Variants in RBFOX1 observed in about 807,000 individuals in gnomAD.
The protein encoded by RBFOX1 is RNA binding fox-1 homolog 1.
RBFOX1 carries 8 observed loss-of-function variants against 57.7 expected under a neutral mutation model. The ratio of observed to expected loss-of-function variants is 0.14; its 90% CI spans 0.08 to 0.25. The LOEUF is 0.25. RBFOX1 is among the 10% of genes least tolerant of loss of function. RBFOX1 has a pLI of 1.00. For missense variants in RBFOX1, 611 were observed against 548.5 expected, an observed-to-expected ratio of 1.11 and a Z score of -1.14; for synonymous variants, 326 against 222.4, an observed-to-expected ratio of 1.47 and a Z score of -4.15.
intron 4 of RBFOX1, among the ~76,000 whole-genome samples, chr16:7,123,340 G>C (rs1016912675): frequency 7.9e-5 from 12 of 152,146 alleles, no homozygotes; most frequent in African/African-American, 2.9e-4. Flanking sequence ...AAATGAAAAA[G>C]TGTAGAATTA....
intron 3 of RBFOX1, among the ~76,000 whole-genome samples, chr16:6,682,104 A>G (rs2058736856): frequency 6.6e-6 from 1 of 152,164 alleles, no homozygotes. Context: ...ATTCTTTTAA[A>G]GTTCTTCCTG....
At position 7,155,257 on chromosome 16, in the gene RBFOX1, C is replaced by G. The variant is rs1302982342; in HGVS notation, c.27+103159C>G. ...GAGAGAGTGAACTTCATATCATCAC[C>G]TTTAGAGTTCCAGAATAGCAAGTCT... On this transcript the variant is annotated intron_variant, in intron 4 of 15. Transcript: ENST00000550418. 2.0e-5 allele frequency among the ~76,000 whole-genome samples: 3 copies of G among 151,916 alleles called. No homozygotes were observed. The East Asian group carries it at 5.8e-4, about 29-fold the overall frequency.
chr16:7,155,927 A>T (rs569422186), intron 4 of RBFOX1, among the ~76,000 whole-genome samples: 1 of 151,704 alleles, frequency 6.6e-6, no homozygotes, highest in African/African-American at 2.4e-5. Context: ...TCATTCCTAT[A>T]CCCCATTAAA....
intron 2 of RBFOX1, among the ~76,000 whole-genome samples, chr16:6,458,475 A>T (rs1366122555): frequency 6.6e-6 from 1 of 152,242 alleles, no homozygotes; most frequent in Non-Finnish European, 1.5e-5. Context: ...CCATGACACC[A>T]GAGATATACC....
chr16:6,927,875 A>G (rs1358590040), intron 3 of RBFOX1, among the ~76,000 whole-genome samples: 1 of 152,218 alleles, frequency 6.6e-6, no homozygotes, highest in Non-Finnish European at 1.5e-5. Flanking sequence ...AAGTGTGTAC[A>G]TATACTAATA....
intron 4 of RBFOX1, among the ~76,000 whole-genome samples, chr16:6,011,552 C>T (rs1298817504): frequency 6.6e-6 from 1 of 152,076 alleles, no homozygotes; most frequent in Non-Finnish European, 1.5e-5. Flanking sequence ...CTACAACTGC[C>T]GTGTAGGCTT....
At chr16:6,450,577 A>G (rs2094568427) in intron 2 of RBFOX1, among the ~76,000 whole-genome samples, 2 of 150,126 alleles carry the variant, frequency 1.3e-5, no homozygotes, top group African/African-American at 4.9e-5. Flanking sequence ...TATTAACTTC[A>G]TTCCTGGCTT....
intron 4 of RBFOX1, among the ~76,000 whole-genome samples, chr16:7,214,292 C>A (rs994222550): frequency 3.3e-5 from 5 of 152,100 alleles, no homozygotes; most frequent in Non-Finnish European, 5.9e-5. Flanking sequence ...GGAGAATGAT[C>A]TTTATGATGA....
intron 2 of RBFOX1, among the ~76,000 whole-genome samples, chr16:6,446,278 C>T (rs1406646544): frequency 1.3e-5 from 2 of 152,196 alleles, no homozygotes; most frequent in Non-Finnish European, 2.9e-5. Context: ...GCTGGGATGA[C>T]AGGCGTGAGC....
intron 3 of RBFOX1, among the ~76,000 whole-genome samples, chr16:5,694,819 T>A (rs1036779035): frequency 2.0e-5 from 3 of 150,980 alleles, no homozygotes; most frequent in African/African-American, 7.3e-5. Context: ...GTTTTTGTTT[T>A]GCTTGTGCAA....
At chr16:7,386,150 C>G (rs1456503125) in intron 4 of RBFOX1, among the ~76,000 whole-genome samples, 1 of 151,884 alleles carries the variant, frequency 6.6e-6, no homozygotes, top group East Asian at 1.9e-4. Flanking sequence ...GTTTGAGATC[C>G]CAACAGCCTC....
intron 3 of RBFOX1, among the ~76,000 whole-genome samples, chr16:6,781,952 G>A (rs7193509): frequency 0.021 from 3,197 of 152,148 alleles, 71 homozygotes; most frequent in African/African-American, 0.059. Flanking sequence ...GGTTTAGCCT[G>A]CTCTTACTTT....
chr16:7,311,155 A>C (rs1006540916), intron 4 of RBFOX1, among the ~76,000 whole-genome samples: 2 of 152,122 alleles, frequency 1.3e-5, no homozygotes, highest in Admixed American at 1.3e-4. Context: ...TCTACATCCC[A>C]AGGAGGGCTT....
chr16:7,429,340 C>T (rs1282173386), intron 4 of RBFOX1, among the ~76,000 whole-genome samples: 1 of 152,200 alleles, frequency 6.6e-6, no homozygotes, highest in Admixed American at 6.5e-5. Context: ...CTCTCCTTCC[C>T]TCACCCCCTT....
chr16:6,859,627 A>C (rs2058657519), intron 3 of RBFOX1, among the ~76,000 whole-genome samples: 2 of 152,104 alleles, frequency 1.3e-5, no homozygotes, highest in African/African-American at 2.4e-5. Flanking sequence ...CTCTGTGTCG[A>C]TAACCTCCAT....
At chr16:5,852,955 A>G (rs1274975632) in intron 3 of RBFOX1, among the ~76,000 whole-genome samples, 1 of 152,242 alleles carries the variant, frequency 6.6e-6, no homozygotes, top group East Asian at 1.9e-4. Context: ...CCTGTGCGTT[A>G]CGCTCTGAGT....
At chr16:6,877,737 G>T (rs2062108126) in intron 3 of RBFOX1, among the ~76,000 whole-genome samples, 1 of 152,144 alleles carries the variant, frequency 6.6e-6, no homozygotes. Context: ...AATATAGTAA[G>T]AATTATTTCT....
chr16:5,460,868 G>T (rs1048275257), intron 1 of RBFOX1, among the ~76,000 whole-genome samples: 10 of 152,180 alleles, frequency 6.6e-5, no homozygotes, highest in African/African-American at 1.4e-4. Flanking sequence ...ACATCACCTG[G>T]CTGGCACTGT....
At chr16:7,398,788 C>T (rs2098186010) in intron 4 of RBFOX1, among the ~76,000 whole-genome samples, 1 of 152,196 alleles carries the variant, frequency 6.6e-6, no homozygotes, top group Non-Finnish European at 1.5e-5. Flanking sequence ...CAGCTATTTT[C>T]ATTGTGGGGT....
Sources: gnomAD v4.1 joint callset for allele counts (sites outside exome capture counted in the v4.1 genomes callset) on GRCh38, gnomAD v4.1.1 for gene constraint, MANE v1.5 for transcripts, NCBI Gene and HGNC (gene_info 2026-07-23, HGNC 2026-07-21) for gene names.